TNKS: variants seen among roughly 807,000 people sequenced by gnomAD.
TNKS encodes poly [ADP-ribose] polymerase tankyrase-1.
In TNKS, 72 loss-of-function variants were observed where a neutral mutation model predicts 135.8. The ratio of observed to expected loss-of-function variants is 0.53; its 90% CI spans 0.44 to 0.64. The LOEUF is 0.64. TNKS is among the 30% of genes least tolerant of loss of function. The pLI is 0.00. For missense variants in TNKS, 1,769 were observed against 1,674.0 expected (o/e 1.06, Z -0.99); for synonymous variants, 849 against 649.3 (o/e 1.31, Z -4.68).
chr8:9,613,258 C>T (rs1011720433), intron 2 of TNKS, among the ~76,000 whole-genome samples: 7 of 152,170 alleles, frequency 4.6e-5, no homozygotes, highest in African/African-American at 1.7e-4. Flanking sequence ...AATTAGTCGT[C>T]ACTGGTAGAG....
chr8:9,702,675 G>A (rs904651490), intron 5 of TNKS, among the ~76,000 whole-genome samples: 1 of 152,178 alleles, frequency 6.6e-6, no homozygotes, highest in African/African-American at 2.4e-5. Flanking sequence ...AAACTTAGCT[G>A]GACATGTTTG....
chr8:9,600,361 T>A (rs1798969137), intron 2 of TNKS, among the ~76,000 whole-genome samples: 1 of 152,204 alleles, frequency 6.6e-6, no homozygotes, highest in Non-Finnish European at 1.5e-5. Flanking sequence ...TCAGTCAGGA[T>A]AGAGTCCAGT....
chr8:9,704,857 C>A, intron 6 of TNKS, 100 bp downstream of exon 6: 2 of 823,420 alleles, frequency 2.4e-6, no homozygotes, highest in Non-Finnish European at 3.8e-6. Flanking sequence ...TTTGTTACGG[C>A]TTACATAACG....
intron 1 of TNKS, chr8:9,575,078 C>G (rs1431026516): frequency 1.0e-6 from 1 of 984,834 alleles, no homozygotes; most frequent in Non-Finnish European, 1.2e-6. Flanking sequence ...ACAAGTGAAT[C>G]TCTCCATTAT....
At chr8:9,567,121 C>T (rs1331338552) in intron 1 of TNKS, among the ~76,000 whole-genome samples, 2 of 152,162 alleles carry the variant, frequency 1.3e-5, no homozygotes, top group Non-Finnish European at 2.9e-5. Context: ...TGGTAATAAA[C>T]GTAACTTTAC....
In TNKS at chr8:9,709,860, C is replaced by T. The variant is rs1035766278; in HGVS notation, c.1579-95C>T. 10 of 866,944 alleles carry T rather than the reference C, an allele frequency of 1.2e-5. No homozygotes were observed. In the Admixed American group the frequency reaches 1.3e-4, roughly 12 times the overall value. The allele number at this position is 866,944 out of a possible 1,614,324, so 53.7% of individuals were successfully genotyped here. A position where few individuals can be genotyped will look rare whatever the true frequency, so the allele number is the denominator to read the frequency against. On this transcript the variant is annotated intron_variant, in intron 9 of 26. Transcript: ENST00000310430. ...CATATGTTCTGATACTCTGAGATAA[C>T]AATGTTTTAAATGGTCAGCAGATAC... is the stretch of plus-strand genomic sequence containing the variant.
At chr8:9,717,825 G>T (rs1804685160) in intron 11 of TNKS, among the ~76,000 whole-genome samples, 1 of 152,080 alleles carries the variant, frequency 6.6e-6, no homozygotes, top group Non-Finnish European at 1.5e-5. Context: ...ATATTCAGAG[G>T]AATAAACAGT....
intron 13 of TNKS, 25 bp downstream of exon 13, chr8:9,726,745 G>C: frequency 6.4e-7 from 1 of 1,560,498 alleles, no homozygotes; most frequent in Non-Finnish European, 8.8e-7. Context: ...TTAATATCTG[G>C]AATAGCACTG....
chr8:9,695,185 C>T (rs1032773961), intron 5 of TNKS, among the ~76,000 whole-genome samples: 2 of 152,038 alleles, frequency 1.3e-5, no homozygotes, highest in African/African-American at 4.8e-5. Context: ...TTTTTGTGTT[C>T]CAGGCACATA....
intron 11 of TNKS, among the ~76,000 whole-genome samples, chr8:9,712,647 T>C (rs994182689): frequency 6.6e-6 from 1 of 152,084 alleles, no homozygotes; most frequent in Non-Finnish European, 1.5e-5. Flanking sequence ...CCCAGCACTT[T>C]GGGAGACTGA....
intron 22 of TNKS, among the ~76,000 whole-genome samples, chr8:9,764,509 G>A (rs1309360782): frequency 2.6e-5 from 4 of 151,998 alleles, no homozygotes; most frequent in Admixed American, 2.6e-4. Flanking sequence ...AACTCTTTCA[G>A]AACTTTTATT....
chr8:9,726,978 A>G lies in TNKS; in HGVS notation c.2001+258A>G, dbSNP rs75438399. ...TATACATACACACACACACATATAC[A>G]TGGTTTTTAGTAATTTTTCTTCAGG... is the stretch of plus-strand genomic sequence containing the variant. On this transcript the variant is annotated intron_variant, in intron 13 of 26. Coordinates refer to ENST00000310430, the MANE Select transcript of TNKS (RefSeq NM_003747.3). Among the ~76,000 whole-genome samples the G allele has an allele frequency of 2.4e-3, 365 of 152,312 alleles. 2 individuals are homozygous for G. The highest frequency in any genetic ancestry group is 8.2e-3 in the African/African-American group (339 of 41,576).
At chr8:9,633,873 G>A (rs1166266826) in intron 3 of TNKS, among the ~76,000 whole-genome samples, 2 of 152,064 alleles carry the variant, frequency 1.3e-5, no homozygotes, top group South Asian at 2.1e-4. Context: ...GATGAGATAT[G>A]ATAGTCCCCA....
intron 26 of TNKS, among the ~76,000 whole-genome samples, chr8:9,773,680 A>G (rs925859627): frequency 6.6e-6 from 1 of 152,176 alleles, no homozygotes; most frequent in Non-Finnish European, 1.5e-5. Context: ...AGAGTGTCTC[A>G]TGAAATAATT....
chr8:9,638,478 A>G (rs114656262), intron 3 of TNKS, among the ~76,000 whole-genome samples: 1,680 of 152,320 alleles, frequency 0.011, 23 homozygotes, highest in African/African-American at 0.036. Context: ...CTGCATCCAT[A>G]TATACCTACA....
Position 9,765,775 on chromosome 8 carries a change from C to A in TNKS, c.3531C>A (p.His1177Gln), listed in dbSNP as rs1408464475. The A allele has an allele frequency of 6.2e-7, 1 of 1,613,930 alleles. No individual in the cohort carries two copies. The highest frequency in any genetic ancestry group is 1.1e-5 in the South Asian group (1 of 91,048). Residue 1177 changes from histidine to glutamine, a missense_variant, in exon 24 of 27, where the codon CAC (histidine) becomes CAA (glutamine). His to Gln is a conservative substitution (Grantham distance 24, BLOSUM62 0). This residue lies in a region of TNKS where 722 missense variants were observed against 688.9 expected (regional missense o/e 1.05). Transcript: ENST00000310430. ...TGTCTGAGGAGAATCACAACCATCA[C>A]AATGAGCGCATGTTGTTTCATGGTA... is the stretch of plus-strand genomic sequence containing the variant. ...KEVSEENHNH[H>Q]NERMLFHGSP... is the part of the protein sequence containing the mutation.
intron 5 of TNKS, among the ~76,000 whole-genome samples, chr8:9,692,499 C>G (rs1050058707): frequency 5.9e-5 from 9 of 152,306 alleles, no homozygotes; most frequent in African/African-American, 1.2e-4. Flanking sequence ...TAGTATCATG[C>G]CATGATCCAC....
chr8:9,556,961 C>A, intron 1 of TNKS: 1 of 450,830 alleles, frequency 2.2e-6, no homozygotes, highest in Non-Finnish European at 3.9e-6. Flanking sequence ...CGTTTGTGTG[C>A]TAGTTTATTT....
rs112735568 is a variant in TNKS at position 9,727,637 on chromosome 8, T to C, written c.2001+917T>C. Among the ~76,000 whole-genome samples the C allele has an allele frequency of 1.2e-4, 19 of 152,340 alleles. 1 individual carries two copies. Among genetic ancestry groups the C allele is most frequent in the African/African-American group, 4.6e-4 (19 of 41,578 alleles). On this transcript the variant is annotated intron_variant, in intron 13 of 26. Transcript: ENST00000310430. ...AATTTGCTATTGACACTCAGTACTT[T>C]TTACGACATACTGTCAACTTTGTCA...
Sources: allele counts gnomAD v4.1 joint callset (sites outside exome capture counted in the v4.1 genomes callset), GRCh38; gene constraint gnomAD v4.1.1; regional missense constraint gnomAD v4.1.1; transcripts MANE v1.5; gene names NCBI Gene and HGNC (gene_info 2026-07-23, HGNC 2026-07-21).